GLIS3: variants seen among roughly 807,000 people sequenced by gnomAD.
GLIS3 encodes zinc finger protein GLIS3.
In GLIS3, 53 loss-of-function variants were observed where a neutral mutation model predicts 78.6. The ratio of observed to expected loss-of-function variants is 0.67; its 90% CI spans 0.54 to 0.85. The LOEUF is 0.85. Among genes scored for constraint, GLIS3 ranks in the 40% least tolerant of loss-of-function variants. GLIS3 has a pLI of 0.00. For missense variants in GLIS3, 1,703 were observed against 1,231.1 expected (o/e 1.38, Z -5.74); for synonymous variants, 684 against 509.9 (o/e 1.34, Z -4.60).
chr9:4,276,717 A>G (rs918228018), intron 2 of GLIS3, among the ~76,000 whole-genome samples: 19 of 152,188 alleles, frequency 1.2e-4, no homozygotes, highest in Admixed American at 2.0e-4. Context: ...TTATAATTGG[A>G]ACAAATCACG....
At chr9:4,289,778 A>G (rs561322788) in intron 1 of GLIS3, among the ~76,000 whole-genome samples, 1 of 152,286 alleles carries the variant, frequency 6.6e-6, no homozygotes, top group East Asian at 1.9e-4. Context: ...GGTTCCTACA[A>G]TGAAAATGTT....
At chr9:4,140,478 T>C (rs1038626787) in intron 2 of GLIS3, among the ~76,000 whole-genome samples, 5 of 152,232 alleles carry the variant, frequency 3.3e-5, no homozygotes, top group African/African-American at 1.2e-4. Context: ...CCAGATGGGA[T>C]GCCCAGAAGC....
At chr9:4,397,914 T>A in the GLIS3 span, among the ~76,000 whole-genome samples, 1 of 151,910 alleles carries the variant, frequency 6.6e-6, no homozygotes, top group Non-Finnish European at 1.5e-5. Flanking sequence ...TCTATAGACA[T>A]TCCTCCATTG....
chr9:4,365,169 T>C, the GLIS3 span, among the ~76,000 whole-genome samples: 121 of 152,230 alleles, frequency 7.9e-4, no homozygotes, highest in African/African-American at 2.7e-3. Flanking sequence ...CGAAGTGTTA[T>C]GTGTGGGTGG....
chr9:3,872,635 A>G (rs1037491262), intron 8 of GLIS3, among the ~76,000 whole-genome samples: 2 of 152,156 alleles, frequency 1.3e-5, no homozygotes, highest in African/African-American at 4.8e-5. Context: ...TATGGGGGAA[A>G]CCATCCCGAT....
intron 1 of GLIS3, among the ~76,000 whole-genome samples, chr9:4,289,796 C>T (rs1327631153): frequency 1.1e-4 from 16 of 152,130 alleles, no homozygotes; most frequent in Non-Finnish European, 2.9e-5. Flanking sequence ...GTTCATTCTG[C>T]TAATATGAGT....
the GLIS3 span, among the ~76,000 whole-genome samples, chr9:4,474,502 C>A: frequency 6.6e-6 from 1 of 151,868 alleles, no homozygotes; most frequent in East Asian, 1.9e-4. Flanking sequence ...AATTGGATAT[C>A]CATAGGGAAA....
At chr9:4,245,190 T>C (rs927072285) in intron 2 of GLIS3, among the ~76,000 whole-genome samples, 2 of 152,240 alleles carry the variant, frequency 1.3e-5, no homozygotes, top group East Asian at 3.8e-4. Context: ...GTCCAGATCA[T>C]GTTGGTTTAG....
At chr9:4,446,379 C>A in the GLIS3 span, among the ~76,000 whole-genome samples, 2 of 152,128 alleles carry the variant, frequency 1.3e-5, no homozygotes, top group Non-Finnish European at 2.9e-5. Context: ...CTGCTGATGC[C>A]TTGATCTTGG....
intron 4 of GLIS3, among the ~76,000 whole-genome samples, chr9:4,047,007 G>C (rs1038474811): frequency 1.3e-5 from 2 of 152,102 alleles, no homozygotes; most frequent in Non-Finnish European, 2.9e-5. Context: ...CTTCAAAATG[G>C]GTTGCTGAGT....
chr9:4,274,260 C>T (rs1826789818), intron 2 of GLIS3, among the ~76,000 whole-genome samples: 1 of 152,084 alleles, frequency 6.6e-6, no homozygotes, highest in Non-Finnish European at 1.5e-5. Context: ...TTTGTGGGGA[C>T]CAGTGCCAAA....
intron 2 of GLIS3, among the ~76,000 whole-genome samples, chr9:4,271,717 G>C (rs899623573): frequency 6.6e-6 from 1 of 152,142 alleles, no homozygotes; most frequent in African/African-American, 2.4e-5. Flanking sequence ...CAAAAGTCTT[G>C]AATAAGGTAC....
At chr9:4,168,969 T>A (rs530469964) in intron 2 of GLIS3, among the ~76,000 whole-genome samples, 3 of 152,340 alleles carry the variant, frequency 2.0e-5, no homozygotes, top group Admixed American at 2.0e-4. Context: ...GTTATTTAAC[T>A]TATAACTGAT....
chr9:4,239,561 C>A (rs944342444), intron 2 of GLIS3, among the ~76,000 whole-genome samples: 2 of 152,166 alleles, frequency 1.3e-5, no homozygotes, highest in African/African-American at 4.8e-5. Context: ...ATCTTGGTAT[C>A]AAGGTTGAGA....
intron 8 of GLIS3, among the ~76,000 whole-genome samples, chr9:3,877,188 G>T (rs1241667482): frequency 6.6e-6 from 1 of 152,156 alleles, no homozygotes; most frequent in Non-Finnish European, 1.5e-5. Flanking sequence ...GAAATGTGAT[G>T]ATGAAAAGTC....
At chr9:4,144,121 G>A (rs1164406556) in intron 2 of GLIS3, among the ~76,000 whole-genome samples, 1 of 152,134 alleles carries the variant, frequency 6.6e-6, no homozygotes, top group Non-Finnish European at 1.5e-5. Flanking sequence ...AGAAGGCAAG[G>A]GAACAAAGAT....
the GLIS3 span, among the ~76,000 whole-genome samples, chr9:4,412,570 C>A: frequency 6.6e-6 from 1 of 152,092 alleles, no homozygotes; most frequent in African/African-American, 2.4e-5. Context: ...ACTGGTATAT[C>A]CCCAGAAACT....
chr9:3,845,240 A>G (rs1029764053), intron 9 of GLIS3, among the ~76,000 whole-genome samples: 28 of 152,246 alleles, frequency 1.8e-4, no homozygotes, highest in African/African-American at 6.8e-4. Flanking sequence ...AGAAGACTCT[A>G]TATGCAATGA....
intron 8 of GLIS3, among the ~76,000 whole-genome samples, chr9:3,865,796 T>C (rs2130340484): frequency 6.6e-6 from 1 of 152,342 alleles, no homozygotes; most frequent in South Asian, 2.1e-4. Flanking sequence ...CCAAATGACT[T>C]CCTTGGCACT....
Sources: gnomAD v4.1 joint callset for allele counts (sites outside exome capture counted in the v4.1 genomes callset) on GRCh38, gnomAD v4.1.1 for gene constraint, MANE v1.5 for transcripts, NCBI Gene and HGNC (gene_info 2026-07-23, HGNC 2026-07-21) for gene names.